The following PPP1R9A variants were observed in gnomAD, a reference collection of about 807,000 sequenced individuals.
PPP1R9A encodes the protein protein phosphatase 1 regulatory subunit 9A, also known as neurabin-1.
In PPP1R9A, 59 loss-of-function variants were observed where a neutral mutation model predicts 141.9. That is an observed-to-expected ratio of 0.42 (90% CI 0.34 to 0.52). The LOEUF is 0.52. Among genes scored for constraint, PPP1R9A ranks in the 20% least tolerant of loss-of-function variants. The pLI, the probability that PPP1R9A is intolerant of heterozygous loss-of-function variation, is 0.10. For synonymous variants in PPP1R9A, 500 were observed against 569.7 expected (o/e 0.88, Z 1.74); for missense variants, 1,444 against 1,611.9 (o/e 0.90, Z 1.78).
intron 2 of PPP1R9A, among the ~76,000 whole-genome samples, chr7:94,968,421 C>A (rs1798480125): frequency 6.6e-6 from 1 of 152,120 alleles, no homozygotes; most frequent in Non-Finnish European, 1.5e-5. Context: ...ATCCACCCGC[C>A]TCGGCCTCCC....
chr7:94,941,937 T>G (rs1312422775), intron 2 of PPP1R9A, among the ~76,000 whole-genome samples: 1 of 152,102 alleles, frequency 6.6e-6, no homozygotes, highest in African/African-American at 2.4e-5. Context: ...GTTTCTTTTT[T>G]GGTCCTTAGT....
At chr7:95,010,200 T>G (rs1386366579) in intron 2 of PPP1R9A, among the ~76,000 whole-genome samples, 2 of 152,142 alleles carry the variant, frequency 1.3e-5, no homozygotes, top group African/African-American at 4.8e-5. Context: ...GAGGCCAGCC[T>G]GAGCAACACA....
intron 3 of PPP1R9A, among the ~76,000 whole-genome samples, chr7:95,112,806 A>G (rs1820796026): frequency 6.6e-6 from 1 of 152,176 alleles, no homozygotes; most frequent in South Asian, 2.1e-4. Flanking sequence ...TTATCCCTAC[A>G]TGAAATAACT....
rs114730787 is a variant in PPP1R9A at position 95,180,659 on chromosome 7, A to G, written c.1755-17690A>G. On this transcript the variant is annotated intron_variant, in intron 5 of 19. Coordinates refer to ENST00000433360, the MANE Select transcript of PPP1R9A (RefSeq NM_001166160.2). ...ATAGGACTAATATCCAGAATCTACGACAATCTCAAACAAATCAGCAAGAAA... is the reference window on the plus strand; with the variant it reads ...ATAGGACTAATATCCAGAATCTACGGCAATCTCAAACAAATCAGCAAGAAA... Among the ~76,000 whole-genome samples the G allele has an allele frequency of 8.4e-3, 1,275 of 152,188 alleles. 21 individuals are homozygous for G. Among genetic ancestry groups the G allele is most frequent in the African/African-American group, 0.029 (1,221 of 41,530 alleles).
chr7:95,181,960 G>C (rs1386537687), intron 5 of PPP1R9A, among the ~76,000 whole-genome samples: 1 of 151,522 alleles, frequency 6.6e-6, no homozygotes, highest in African/African-American at 2.4e-5. Context: ...TGTTCTCACT[G>C]ATATGTGGGG....
At chr7:95,290,015 G>T in intron 19 of PPP1R9A, 76 bp from the exon 20 acceptor site, 1 of 1,564,234 alleles carries the variant, frequency 6.4e-7, no homozygotes, top group Non-Finnish European at 8.6e-7. Context: ...TTACGAACTT[G>T]GATATATGGT....
chr7:94,911,341 T>C lies in PPP1R9A; in HGVS notation c.1228T>C (p.Tyr410His). 6.2e-7 allele frequency: 1 copy of C among 1,614,040 alleles called. No individual in the cohort carries two copies. Among genetic ancestry groups the C allele is most frequent in the Non-Finnish European group, 8.5e-7 (1 of 1,180,006 alleles). The change falls in exon 2 of 20, where the codon TAT becomes CAT. Residue 410 changes from tyrosine to histidine, a missense_variant. Coordinates refer to ENST00000433360, the MANE Select transcript of PPP1R9A (RefSeq NM_001166160.2). ...DYNVYRVRSR[Y>H]NSDWGETGTE... ...TAATGTGTATAGGGTGAGATCCAGG[T>C]ATAATTCAGACTGGGGAGAGACAGG...
chr7:95,005,136 G>A (rs577186262), intron 2 of PPP1R9A, among the ~76,000 whole-genome samples: 7 of 152,206 alleles, frequency 4.6e-5, no homozygotes, highest in African/African-American at 1.7e-4. Context: ...GCTCAATGTT[G>A]TATTCCTGAT....
chr7:95,207,903 T>C (rs1411065292), intron 7 of PPP1R9A, among the ~76,000 whole-genome samples: 7 of 152,078 alleles, frequency 4.6e-5, no homozygotes, highest in Admixed American at 3.3e-4. Flanking sequence ...AAGAGCTTCA[T>C]AGAGAAAAAC....
At chr7:94,976,325 A>G (rs897715807) in intron 2 of PPP1R9A, among the ~76,000 whole-genome samples, 43 of 149,738 alleles carry the variant, frequency 2.9e-4, no homozygotes, top group African/African-American at 9.8e-4. Context: ...ATTATCTGTT[A>G]TATTTAACAT....
In PPP1R9A at chr7:94,914,187, T is replaced by A. The variant is rs571868553; in HGVS notation, c.1395+2679T>A. Among the ~76,000 whole-genome samples, 3 of 152,352 alleles carry A rather than the reference T, an allele frequency of 2.0e-5. No homozygotes were observed. The East Asian group carries it at 5.8e-4, about 29-fold the overall frequency. Reference sequence around the variant, plus strand: ...TTTAAATAAATGATTTTTAGAACTTTTACATTCTTTTCCTGGCTGTCACTT... The same window carrying A: ...TTTAAATAAATGATTTTTAGAACTTATACATTCTTTTCCTGGCTGTCACTT... On this transcript the variant is annotated intron_variant, in intron 2 of 19. Coordinates refer to ENST00000433360, the MANE Select transcript of PPP1R9A (RefSeq NM_001166160.2).
intron 4 of PPP1R9A, among the ~76,000 whole-genome samples, chr7:95,139,817 A>C (rs1218880854): frequency 6.6e-6 from 1 of 151,628 alleles, no homozygotes; most frequent in Non-Finnish European, 1.5e-5. Flanking sequence ...CATTAAAAAA[A>C]AAAAAAAAAG....
rs1211706855 is a variant in PPP1R9A, at chr7:95,294,278, C to CT, written c.*3992dup. On this transcript the variant is annotated 3_prime_UTR_variant, in exon 20 of 20. Coordinates refer to ENST00000433360, the MANE Select transcript of PPP1R9A (RefSeq NM_001166160.2). ...AAATGTCCATATTTTCTTTTCTTTT[C>CT]TTTTTTTTTTTTTTTTTCTGTCATC... The CT allele has an allele frequency of 8.9e-4, 103 of 115,894 alleles. 1 individual carries two copies. The South Asian group carries it at 0.012, about 13-fold the overall frequency. The allele number at this position is 115,894 out of a possible 1,614,324, so 7.2% of individuals were successfully genotyped here. A position where few individuals can be genotyped will look rare whatever the true frequency, so the allele number is the denominator to read the frequency against.
chr7:95,188,317 G>A (rs576518425), intron 5 of PPP1R9A, among the ~76,000 whole-genome samples: 42 of 151,942 alleles, frequency 2.8e-4, no homozygotes, highest in East Asian at 2.5e-3. Flanking sequence ...ATTGCTTTTC[G>A]TTTCCATTTA....
intron 2 of PPP1R9A, among the ~76,000 whole-genome samples, chr7:95,076,905 A>G (rs1814936448): frequency 1.3e-5 from 2 of 151,968 alleles, no homozygotes; most frequent in Admixed American, 1.3e-4. Flanking sequence ...TTTATTTTTT[A>G]GTTATATTCT....
At chr7:95,191,775 C>T (rs1407040330) in intron 5 of PPP1R9A, among the ~76,000 whole-genome samples, 3 of 151,930 alleles carry the variant, frequency 2.0e-5, no homozygotes, top group Non-Finnish European at 4.4e-5. Flanking sequence ...AAAGATCACA[C>T]TATTTTACTA....
intron 2 of PPP1R9A, among the ~76,000 whole-genome samples, chr7:94,928,598 C>T (rs1024299647): frequency 1.3e-5 from 2 of 152,218 alleles, no homozygotes; most frequent in Non-Finnish European, 2.9e-5. Flanking sequence ...CCTCACTACT[C>T]ACCTCACCAC....
At chr7:95,029,846 A>G (rs147136459) in intron 2 of PPP1R9A, among the ~76,000 whole-genome samples, 1 of 152,220 alleles carries the variant, frequency 6.6e-6, no homozygotes, top group Non-Finnish European at 1.5e-5. Context: ...CAAAACTGAC[A>G]TACATTGCCG....
At chr7:94,980,341 CGT>C (rs1184802034) in intron 2 of PPP1R9A, among the ~76,000 whole-genome samples, 1 of 151,968 alleles carries the variant, frequency 6.6e-6, no homozygotes, top group Non-Finnish European at 1.5e-5. Flanking sequence ...CATTTATGTG[CGT>C]GTGTGTGTAT....
Sources: allele counts gnomAD v4.1 joint callset (sites outside exome capture counted in the v4.1 genomes callset), GRCh38; gene constraint gnomAD v4.1.1; transcripts MANE v1.5; gene names NCBI Gene and HGNC (gene_info 2026-07-23, HGNC 2026-07-21).